The following ZNF714 variants were observed in gnomAD, a reference collection of about 807,000 sequenced individuals.
The protein encoded by ZNF714 is zinc finger protein 714.
ZNF714 carries 32 observed loss-of-function variants against 46.2 expected under a neutral mutation model. The observed-to-expected ratio is 0.69, with a 90% CI of 0.52 to 0.93. The LOEUF (loss-of-function observed/expected upper bound fraction) is 0.93. Ranked by LOEUF, ZNF714 falls within the 40% of genes least tolerant of loss-of-function variation. ZNF714 has a pLI of 0.00. For missense variants in ZNF714, 635 were observed against 646.3 expected, an observed-to-expected ratio of 0.98 and a Z score of 0.19; for synonymous variants, 199 against 213.1, an observed-to-expected ratio of 0.93 and a Z score of 0.58.
chr19:21,102,790 A>T (rs1969213661), intron 4 of ZNF714, among the ~76,000 whole-genome samples: 2 of 152,182 alleles, frequency 1.3e-5, no homozygotes, highest in African/African-American at 4.8e-5. Flanking sequence ...TTTTATGAGT[A>T]AACATGTCTC....
At chr19:21,102,206 T>C (rs1969198050) in intron 4 of ZNF714, among the ~76,000 whole-genome samples, 1 of 152,268 alleles carries the variant, frequency 6.6e-6, no homozygotes, top group South Asian at 2.1e-4. Context: ...TTACTGTTTC[T>C]ATACATTTTT....
At chr19:21,112,422 G>A (rs757670979) in intron 4 of ZNF714, among the ~76,000 whole-genome samples, 2 of 151,986 alleles carry the variant, frequency 1.3e-5, no homozygotes, top group Non-Finnish European at 2.9e-5. Context: ...TATTTCTATG[G>A]GGTCAGTGGT....
At position 21,121,927 on chromosome 19, in the gene ZNF714, T is replaced by A. The variant is rs1969709279; in HGVS notation, c.*3595T>A. 6.6e-6 allele frequency: 1 copy of A among 152,218 alleles called. No homozygotes were observed. The highest frequency in any genetic ancestry group is 2.1e-4 in the South Asian group (1 of 4,830). 9.4% of individuals were successfully genotyped at this position (152,218 alleles called of 1,614,324 possible). On this transcript the variant is annotated 3_prime_UTR_variant, in exon 5 of 5. Coordinates refer to ENST00000456283, the MANE Select transcript of ZNF714 (RefSeq NM_182515.4). ...GCTGGTCTGTGATTATAAGAATTTTTATGAAATTTAGTGCACACAAAATAA... is the reference window on the plus strand; with the variant it reads ...GCTGGTCTGTGATTATAAGAATTTTAATGAAATTTAGTGCACACAAAATAA...
intron 4 of ZNF714, among the ~76,000 whole-genome samples, chr19:21,110,896 A>G (rs1402341829): frequency 6.6e-6 from 1 of 152,168 alleles, no homozygotes; most frequent in African/African-American, 2.4e-5. Flanking sequence ...AGATGGTTGT[A>G]GATATGCAGT....
At position 21,118,766 on chromosome 19, in the gene ZNF714, G is replaced by T. The variant is rs1057334918; in HGVS notation, c.*434G>T. 4.9e-6 allele frequency: 1 copy of T among 204,608 alleles called. No individual in the cohort carries two copies. The highest frequency in any genetic ancestry group is 1.0e-5 in the Non-Finnish European group (1 of 97,376). 12.7% of individuals were successfully genotyped at this position (204,608 alleles called of 1,614,324 possible). On this transcript the variant is annotated 3_prime_UTR_variant, in exon 5 of 5. Transcript: ENST00000456283. Reference sequence around the variant, plus strand: ...AAACTCTGCAAACCAGAAAGATCTGGCAATGCTTTTGACAACACCTCAAAC... The same window carrying T: ...AAACTCTGCAAACCAGAAAGATCTGTCAATGCTTTTGACAACACCTCAAAC...
At chr19:21,090,650 G>A (rs1283285216) in intron 2 of ZNF714, among the ~76,000 whole-genome samples, 1 of 152,008 alleles carries the variant, frequency 6.6e-6, no homozygotes, top group African/African-American at 2.4e-5. Context: ...AGATGTTACT[G>A]GAAAGAAGTT....
intron 4 of ZNF714, among the ~76,000 whole-genome samples, chr19:21,103,170 A>G (rs1969226164): frequency 7.1e-6 from 1 of 140,204 alleles, no homozygotes. Flanking sequence ...GTGTGAGAGA[A>G]ACACTTTTTG....
chr19:21,113,954 A>T (rs1049102867), intron 4 of ZNF714, among the ~76,000 whole-genome samples: 1 of 152,116 alleles, frequency 6.6e-6, no homozygotes, highest in African/African-American at 2.4e-5. Flanking sequence ...TGTCTCAATG[A>T]TCTGTCTAAT....
chr19:21,123,377 C>G lies in ZNF714; in HGVS notation c.*5045C>G, dbSNP rs1969740346. ...ATTTTTACTTTTTATTTTTTAGAGA[C>G]AGAGTCTTGCTCTGTCTCCCAGGCT... On this transcript the variant is annotated 3_prime_UTR_variant, in exon 5 of 5. Transcript: ENST00000456283. 6.6e-6 allele frequency among the ~76,000 whole-genome samples: 1 copy of G among 151,718 alleles called. No individual in the cohort carries two copies. The highest frequency in any genetic ancestry group is 2.1e-4 in the South Asian group (1 of 4,808).
chr19:21,091,389 C>A (rs111935905), intron 2 of ZNF714: 41 of 152,194 alleles, frequency 2.7e-4, no homozygotes, highest in African/African-American at 9.9e-4. Context: ...CTTATGCTGA[C>A]CTTCTATCTC....
chr19:21,107,224 A>G (rs965784866), intron 4 of ZNF714, among the ~76,000 whole-genome samples: 23 of 143,510 alleles, frequency 1.6e-4, no homozygotes, highest in African/African-American at 5.2e-4. Flanking sequence ...CAAATTTTTA[A>G]ATTTTAGACA....
intron 2 of ZNF714, among the ~76,000 whole-genome samples, chr19:21,087,973 T>A (rs969752572): frequency 6.6e-6 from 1 of 152,206 alleles, no homozygotes; most frequent in Admixed American, 6.5e-5. Flanking sequence ...CCTTGGTAAG[T>A]AAAGGATTTT....
rs888155131 is a variant in ZNF714, at chr19:21,121,694, A to G, written c.*3362A>G. 3.9e-5 allele frequency: 6 copies of G among 152,242 alleles called. No homozygotes were observed. The highest frequency in any genetic ancestry group is 8.8e-5 in the Non-Finnish European group (6 of 68,040). 9.4% of individuals were successfully genotyped at this position (152,242 alleles called of 1,614,324 possible). On this transcript the variant is annotated 3_prime_UTR_variant, in exon 5 of 5. Coordinates refer to ENST00000456283, the MANE Select transcript of ZNF714 (RefSeq NM_182515.4). ...ATCATTTTAATAAGGTGGCTACTAT[A>G]AAACTAAAAACCTTAAAAAATGCTG...
rs1969669006 is a variant in ZNF714, at chr19:21,119,330, G to A, written c.*998G>A. ...GGCAGGAGAATCACTTGAACTTGGG[G>A]AGGGAGAGGTTGCAGTGAGCTGAGA... is the stretch of plus-strand genomic sequence containing the variant. On this transcript the variant is annotated 3_prime_UTR_variant, in exon 5 of 5. Transcript: ENST00000456283. 3.7e-6 allele frequency: 1 copy of A among 270,282 alleles called. No homozygotes were observed. Among genetic ancestry groups the A allele is most frequent in the African/African-American group, 2.3e-5 (1 of 42,578 alleles). 16.7% of individuals were successfully genotyped at this position (270,282 alleles called of 1,614,324 possible). A position where few individuals can be genotyped will look rare whatever the true frequency, so the allele number is the denominator to read the frequency against.
intron 4 of ZNF714, among the ~76,000 whole-genome samples, chr19:21,101,843 C>G (rs1024266206): frequency 6.6e-6 from 1 of 152,148 alleles, no homozygotes; most frequent in Non-Finnish European, 1.5e-5. Flanking sequence ...GGTCTGTAGC[C>G]AAAACCAGGG....
intron 1 of ZNF714, 31 bp from the exon 2 acceptor site, chr19:21,083,947 A>G: frequency 1.7e-6 from 2 of 1,192,952 alleles, no homozygotes; most frequent in Non-Finnish European, 2.2e-6. Flanking sequence ...TGCCTAGTGA[A>G]TATCAGCTTC....
Position 21,117,004 on chromosome 19 carries a change from A to G in ZNF714, c.340A>G (p.Ser114Gly). 6.2e-7 allele frequency: 1 copy of G among 1,613,748 alleles called. No individual in the cohort carries two copies. Among genetic ancestry groups the G allele is most frequent in the Non-Finnish European group, 8.5e-7 (1 of 1,179,744 alleles). The part of the protein sequence containing the change: ...ELNQCLTTTQ[S>G]KIFPCDKYIK... The stretch of plus-strand genomic sequence containing the variant: ...AAACCAGTGTTTGACAACTACCCAG[A>G]GCAAAATATTTCCATGTGATAAATA... Residue 114 changes from serine to glycine, a missense_variant, in exon 5 of 5, where the codon AGC becomes GGC. Transcript: ENST00000456283.
intron 4 of ZNF714, among the ~76,000 whole-genome samples, chr19:21,112,274 T>A (rs1240682782): frequency 6.6e-6 from 1 of 152,210 alleles, no homozygotes; most frequent in African/African-American, 2.4e-5. Context: ...TCAGAACTTG[T>A]TATAGGTCTA....
chr19:21,095,556 G>A (rs1362136375), intron 2 of ZNF714, among the ~76,000 whole-genome samples: 4 of 151,730 alleles, frequency 2.6e-5, no homozygotes, highest in South Asian at 2.1e-4. Flanking sequence ...TCCGTGTCCC[G>A]GGTTCACGCC....
Sources: allele counts gnomAD v4.1 joint callset (sites outside exome capture counted in the v4.1 genomes callset), GRCh38; gene constraint gnomAD v4.1.1; transcripts MANE v1.5; gene names NCBI Gene and HGNC (gene_info 2026-07-23, HGNC 2026-07-21).